The following KDM2A variants were observed in gnomAD, a reference collection of about 807,000 sequenced individuals.
KDM2A encodes the protein lysine demethylase 2A.
In KDM2A, 3 loss-of-function variants were observed where a neutral mutation model predicts 137.3. That is an observed-to-expected ratio of 0.02 (90% CI 0.01 to 0.06). KDM2A has a LOEUF of 0.06. KDM2A is among the 10% of genes least tolerant of loss of function. The probability of loss-of-function intolerance (pLI) is 1.00; values close to 1 mark genes in which losing one functional copy is unlikely to be tolerated. For synonymous variants in KDM2A, 512 were observed against 541.5 expected, an observed-to-expected ratio of 0.95 and a Z score of 0.76; for missense variants, 738 against 1,510.6, an observed-to-expected ratio of 0.49 and a Z score of 8.48.
intron 12 of KDM2A, among the ~76,000 whole-genome samples, chr11:67,239,327 G>T (rs1858957580): frequency 6.6e-6 from 1 of 152,184 alleles, no homozygotes; most frequent in Admixed American, 6.5e-5. Flanking sequence ...CAGGATTGCT[G>T]CGCAGACATT....
At chr11:67,210,096 G>T (rs1857932512) in intron 6 of KDM2A, among the ~76,000 whole-genome samples, 1 of 151,856 alleles carries the variant, frequency 6.6e-6, no homozygotes, top group Admixed American at 6.6e-5. Flanking sequence ...GCCGAGCATG[G>T]TGGCTCATGC....
intron 15 of KDM2A, among the ~76,000 whole-genome samples, chr11:67,246,792 A>G (rs1012250055): frequency 1.3e-5 from 2 of 151,946 alleles, no homozygotes; most frequent in Admixed American, 6.6e-5. Context: ...AAGCAGCCCA[A>G]TTTCAGAAAG....
At chr11:67,209,248 T>G (rs1040845502) in intron 6 of KDM2A, among the ~76,000 whole-genome samples, 3 of 151,684 alleles carry the variant, frequency 2.0e-5, no homozygotes, top group Non-Finnish European at 4.4e-5. Context: ...GAACTATTTT[T>G]GTATTAGTAA....
chr11:67,161,611 TACAC>T (rs1413111165), intron 2 of KDM2A, among the ~76,000 whole-genome samples: 9 of 152,222 alleles, frequency 5.9e-5, no homozygotes, highest in African/African-American at 2.2e-4. Context: ...ATTTAAAAAA[TACAC>T]ACTGTTGTGA....
intron 2 of KDM2A, among the ~76,000 whole-genome samples, chr11:67,161,789 T>TAA (rs943760436): frequency 1.3e-5 from 2 of 152,220 alleles, no homozygotes; most frequent in Non-Finnish European, 2.9e-5. Context: ...CATTCTCTAA[T>TAA]AAGTGTAGAC....
At chr11:67,221,988 T>C (rs6591238) in intron 10 of KDM2A, among the ~76,000 whole-genome samples, 10 of 146,728 alleles carry the variant, frequency 6.8e-5, no homozygotes, top group Non-Finnish European at 1.0e-4. Flanking sequence ...TATTCTAAAA[T>C]AGGGAAAATG....
intron 6 of KDM2A, 94 bp from the exon 7 acceptor site, chr11:67,215,246 G>A (rs189683982): frequency 0.014 from 9,898 of 690,554 alleles, 104 homozygotes; most frequent in Non-Finnish European, 0.016. Flanking sequence ...TTTTTGTTAT[G>A]TATTTTAAGA....
At chr11:67,221,004 T>C (rs1858327993) in intron 10 of KDM2A, among the ~76,000 whole-genome samples, 1 of 150,088 alleles carries the variant, frequency 6.7e-6, no homozygotes, top group African/African-American at 2.5e-5. Context: ...GTCAGCACAT[T>C]ACCTGTCTGA....
intron 2 of KDM2A, among the ~76,000 whole-genome samples, chr11:67,155,246 C>T (rs1372802632): frequency 1.3e-5 from 2 of 152,156 alleles, no homozygotes; most frequent in African/African-American, 4.8e-5. Flanking sequence ...GAACTCCTGA[C>T]CTCAAGCAGT....
intron 2 of KDM2A, among the ~76,000 whole-genome samples, chr11:67,134,354 A>G (rs1855926059): frequency 1.3e-5 from 2 of 152,200 alleles, no homozygotes; most frequent in Non-Finnish European, 2.9e-5. Context: ...TGCACAGGAC[A>G]GCCCTAACTA....
chr11:67,203,561 C>G (rs973989750), intron 5 of KDM2A, among the ~76,000 whole-genome samples: 2 of 148,094 alleles, frequency 1.4e-5, no homozygotes, highest in Non-Finnish European at 3.0e-5. Context: ...GAATACCAGC[C>G]TGGGCAACAT....
At chr11:67,159,038 A>G (rs910359721) in intron 2 of KDM2A, among the ~76,000 whole-genome samples, 1 of 152,090 alleles carries the variant, frequency 6.6e-6, no homozygotes, top group Non-Finnish European at 1.5e-5. Flanking sequence ...CAGTTTATTA[A>G]TTATTTTTTT....
intron 11 of KDM2A, among the ~76,000 whole-genome samples, chr11:67,230,867 G>C (rs1858691176): frequency 1.3e-5 from 2 of 151,254 alleles, no homozygotes; most frequent in African/African-American, 4.9e-5. Context: ...TAGTCACTTT[G>C]TTTTGTTACT....
At chr11:67,121,828 T>A (rs4244819) in intron 2 of KDM2A, among the ~76,000 whole-genome samples, 2 of 152,030 alleles carry the variant, frequency 1.3e-5, no homozygotes, top group African/African-American at 2.4e-5. Context: ...TAAATTAACA[T>A]TTTGGTAGCT....
At chr11:67,244,681 T>C (rs932780778) in intron 13 of KDM2A, among the ~76,000 whole-genome samples, 1 of 152,152 alleles carries the variant, frequency 6.6e-6, no homozygotes, top group African/African-American at 2.4e-5. Flanking sequence ...TCTACCATGG[T>C]AGCATGAAAG....
At chr11:67,131,280 C>T (rs1381297428) in intron 2 of KDM2A, among the ~76,000 whole-genome samples, 2 of 151,874 alleles carry the variant, frequency 1.3e-5, no homozygotes, top group Non-Finnish European at 2.9e-5. Context: ...GCTGAGATCT[C>T]ACCGTCGCAC....
intron 2 of KDM2A, among the ~76,000 whole-genome samples, chr11:67,125,170 CTTTCTTTTTTTTT>C (rs1344590553): frequency 6.7e-5 from 10 of 149,572 alleles, no homozygotes; most frequent in East Asian, 4.0e-4. Flanking sequence ...CTGGAGGGAA[CTTTCTTTTTTTTT>C]TTTCTTTTTT....
chr11:67,128,436 G>T (rs1855780714), intron 2 of KDM2A, among the ~76,000 whole-genome samples: 2 of 151,568 alleles, frequency 1.3e-5, no homozygotes, highest in African/African-American at 2.4e-5. Flanking sequence ...AATTATATGT[G>T]GTCTACATTG....
At chr11:67,184,878 C>T (rs1206462290) in intron 5 of KDM2A, among the ~76,000 whole-genome samples, 2 of 151,528 alleles carry the variant, frequency 1.3e-5, no homozygotes, top group African/African-American at 2.4e-5. Flanking sequence ...CACAAAAAAC[C>T]CTGGGGAAGG....
Sources: allele counts gnomAD v4.1 joint callset (sites outside exome capture counted in the v4.1 genomes callset), GRCh38; gene constraint gnomAD v4.1.1; transcripts MANE v1.5; gene names NCBI Gene and HGNC (gene_info 2026-07-23, HGNC 2026-07-21).